Variants in PIR observed in about 807,000 individuals in gnomAD.
PIR encodes pirin, also known as pirin (iron-binding nuclear protein).
PIR carries 22 observed loss-of-function variants against 24.2 expected under a neutral mutation model. The ratio of observed to expected loss-of-function variants is 0.91; its 90% CI spans 0.65 to 1.30. PIR has a LOEUF of 1.30. Ranked by LOEUF, PIR falls within the 50% of genes most tolerant of loss-of-function variation. The pLI is 0.00. For missense variants in PIR, 220 were observed against 220.3 expected (o/e 1.00, Z 0.01); for synonymous variants, 80 against 79.6 (o/e 1.00, Z -0.03).
chrX:15,484,744 T>C (rs752507014), intron 2 of PIR, among the ~76,000 whole-genome samples: 2 of 112,029 alleles, frequency 1.8e-5, no homozygotes, highest in Non-Finnish European at 3.8e-5. Flanking sequence ...TTACCCTTGT[T>C]ATAAAGTGGC....
intron 5 of PIR, among the ~76,000 whole-genome samples, chrX:15,448,994 A>G: frequency 8.9e-6 from 1 of 112,223 alleles, no homozygotes; most frequent in Middle Eastern, 4.6e-3. Flanking sequence ...CATGATGTAC[A>G]CACAGCAGGT....
At chrX:15,443,407 TAGC>T (rs1417243274) in intron 5 of PIR, among the ~76,000 whole-genome samples, 1 of 111,703 alleles carries the variant, frequency 9.0e-6, no homozygotes, top group African/African-American at 3.3e-5. Flanking sequence ...AACATCCACT[TAGC>T]AGCCCATGAA....
chrX:15,488,561 C>T, intron 2 of PIR, among the ~76,000 whole-genome samples: 1 of 111,530 alleles, frequency 9.0e-6, no homozygotes, highest in South Asian at 3.7e-4. Context: ...AGTCCTTATG[C>T]TACCATTGTT....
rs764587964 is a variant in PIR at position 15,425,912 on chromosome X, G to A, written c.559C>T (p.Pro187Ser). ...DPGAKHSQPIPKGWTSFIYTI... is the reference protein window; with the variant it reads ...DPGAKHSQPISKGWTSFIYTI... ...ACCCCAGAACCCATCATACCTTTAG[G>A]GATAGGTTGGGAATGTTTGGCTCCT... Residue 187 changes from proline (P) to serine (S), a missense_variant, in exon 6 of 10, where the codon CCT (proline) becomes TCT (serine). Coordinates refer to ENST00000380420, the MANE Select transcript of PIR (RefSeq NM_001018109.3). The A allele has an allele frequency of 8.8e-7, 1 of 1,133,951 alleles. No individual in the cohort carries two copies. Among genetic ancestry groups the A allele is most frequent in the Non-Finnish European group, 1.2e-6 (1 of 825,424 alleles). The allele number at this position is 1,133,951 out of a possible 1,213,427, so 93.5% of individuals were successfully genotyped here. A position where few individuals can be genotyped will look rare whatever the true frequency, so the allele number is the denominator to read the frequency against.
At chrX:15,464,839 C>A (rs1407003939) in intron 3 of PIR, among the ~76,000 whole-genome samples, 2 of 112,041 alleles carry the variant, frequency 1.8e-5, no homozygotes, top group African/African-American at 3.2e-5. Flanking sequence ...GCTGAAGCTC[C>A]CTTTTGGGCT....
chrX:15,461,135 C>T (rs1921282515), intron 3 of PIR, among the ~76,000 whole-genome samples: 1 of 111,601 alleles, frequency 9.0e-6, no homozygotes, highest in African/African-American at 3.3e-5. Flanking sequence ...ATGGTCCTGG[C>T]ATGGTGGGCC....
chrX:15,428,997 A>G (rs1925413449), intron 5 of PIR, among the ~76,000 whole-genome samples: 1 of 112,057 alleles, frequency 8.9e-6, no homozygotes, highest in Non-Finnish European at 1.9e-5. Context: ...TTCTCAGACT[A>G]GAGCTAAAGA....
chrX:15,450,022 T>A (rs988415500), intron 5 of PIR, among the ~76,000 whole-genome samples: 2 of 112,273 alleles, frequency 1.8e-5, no homozygotes, highest in Non-Finnish European at 1.9e-5. Context: ...AAGACTTGTT[T>A]CTTTTTTCTT....
intron 6 of PIR, among the ~76,000 whole-genome samples, chrX:15,419,028 A>C (rs977093252): frequency 1.8e-5 from 2 of 111,341 alleles, no homozygotes; most frequent in Non-Finnish European, 3.8e-5. Flanking sequence ...AATGGCCTAC[A>C]CATTTCACGA....
intron 5 of PIR, among the ~76,000 whole-genome samples, chrX:15,431,297 G>A (rs977213448): frequency 3.6e-5 from 4 of 111,551 alleles, no homozygotes; most frequent in African/African-American, 9.8e-5. Context: ...GTTAACTTTC[G>A]ACGAATCTCT....
At chrX:15,424,399 G>A (rs1602260078) in intron 6 of PIR, among the ~76,000 whole-genome samples, 1 of 111,811 alleles carries the variant, frequency 8.9e-6, no homozygotes, top group Non-Finnish European at 1.9e-5. Context: ...AAGACATGAA[G>A]GGTAGGGGTC....
chrX:15,450,047 G>T (rs758107127), intron 5 of PIR, among the ~76,000 whole-genome samples: 1 of 111,375 alleles, frequency 9.0e-6, no homozygotes, highest in South Asian at 3.7e-4. Flanking sequence ...GGTTTAACTT[G>T]ATATTTTAAA....
rs998885986 is a variant in PIR, at chrX:15,398,111, G to C, written c.611-580C>G. ...GAATAAGACCCTTGGGTGGGGGTAGGGGGGAGGGATAGCATTAGGAGATAT... is the reference window on the plus strand; with the variant it reads ...GAATAAGACCCTTGGGTGGGGGTAGCGGGGAGGGATAGCATTAGGAGATAT... On this transcript the variant is annotated intron_variant, in intron 7 of 9. Coordinates refer to ENST00000380420, the MANE Select transcript of PIR (RefSeq NM_001018109.3). 2.7e-5 allele frequency among the ~76,000 whole-genome samples: 3 copies of C among 110,552 alleles called. No individual in the cohort carries two copies. The Middle Eastern group carries it at 0.014, about 524-fold the overall frequency.
At chrX:15,405,544 C>G (rs931904153) in intron 7 of PIR, among the ~76,000 whole-genome samples, 142 of 112,543 alleles carry the variant, frequency 1.3e-3, no homozygotes, top group African/African-American at 4.1e-3. Flanking sequence ...TTATCCTTAC[C>G]ACCTTAAAAT....
At position 15,427,913 on chromosome X, in the gene PIR, T is replaced by C. The variant is rs1182074216; in HGVS notation, c.481-1923A>G. On this transcript the variant is annotated intron_variant, in intron 5 of 9. Transcript: ENST00000380420. ...ACATCTTCACCTACATGTAGCAAAA[T>C]GCTTCTCTTCAGGACAGGTGAATTT... Among the ~76,000 whole-genome samples, 7 of 110,871 alleles carry C rather than the reference T, an allele frequency of 6.3e-5. No individual in the cohort carries two copies. In the Admixed American group the frequency reaches 6.7e-4, roughly 11 times the overall value.
At chrX:15,396,908 T>C (rs887730238) in intron 8 of PIR, among the ~76,000 whole-genome samples, 1 of 111,158 alleles carries the variant, frequency 9.0e-6, no homozygotes, top group Non-Finnish European at 1.9e-5. Flanking sequence ...GTCCGGCTAA[T>C]TTTTTGTATT....
chrX:15,427,456 G>A lies in PIR; in HGVS notation c.481-1466C>T, dbSNP rs73449388. Among the ~76,000 whole-genome samples, 1,060 of 110,893 alleles carry A rather than the reference G, an allele frequency of 9.6e-3. 15 individuals carry two copies. Among genetic ancestry groups the A allele is most frequent in the African/African-American group, 0.032 (980 of 30,514 alleles). On this transcript the variant is annotated intron_variant, in intron 5 of 9. Transcript: ENST00000380420. ...CCCAGAATTATTTACTCTCCTTGAT[G>A]AAGGCATAATTTTGTGGAGAATAAT...
intron 5 of PIR, among the ~76,000 whole-genome samples, chrX:15,434,230 TAGA>T (rs1925665593): frequency 3.0e-5 from 1 of 33,504 alleles, no homozygotes; most frequent in East Asian, 7.2e-4. Flanking sequence ...AAGAAGGAGA[TAGA>T]AGAAGGAGGA....
At chrX:15,401,332 C>T (rs1461482965) in intron 7 of PIR, among the ~76,000 whole-genome samples, 2 of 110,878 alleles carry the variant, frequency 1.8e-5, no homozygotes, top group Non-Finnish European at 3.8e-5. Flanking sequence ...GCTGGGATTA[C>T]AGGTATGAGC....
Sources: allele counts gnomAD v4.1 joint callset (sites outside exome capture counted in the v4.1 genomes callset), GRCh38; gene constraint gnomAD v4.1.1; transcripts MANE v1.5; gene names NCBI Gene and HGNC (gene_info 2026-07-23, HGNC 2026-07-21).